The following DYM variants were observed in gnomAD, a reference collection of about 807,000 sequenced individuals.
DYM encodes dymeclin.
Under a neutral mutation model 93.1 loss-of-function variants are expected in DYM, and 78 were observed. The ratio of observed to expected loss-of-function variants is 0.84; its 90% CI spans 0.70 to 1.01. The LOEUF is 1.01. Among genes scored for constraint, DYM ranks in the 50% least tolerant of loss-of-function variants. DYM has a pLI of 0.00. For synonymous variants in DYM, 321 were observed against 319.7 expected, an observed-to-expected ratio of 1.00 and a Z score of -0.04; for missense variants, 789 against 845.0, an observed-to-expected ratio of 0.93 and a Z score of 0.82.
At chr18:49,456,719 CCCA>C (rs1380192822) in intron 1 of DYM, among the ~76,000 whole-genome samples, 1 of 151,948 alleles carries the variant, frequency 6.6e-6, no homozygotes, top group Non-Finnish European at 1.5e-5. Context: ...TGTTCCCAGC[CCCA>C]CTAGTTCATT....
At chr18:49,436,668 G>A (rs766514621) in intron 1 of DYM, among the ~76,000 whole-genome samples, 9 of 152,154 alleles carry the variant, frequency 5.9e-5, no homozygotes, top group Non-Finnish European at 1.3e-4. Flanking sequence ...TAATATTAGT[G>A]TACTGAATAA....
intron 16 of DYM, among the ~76,000 whole-genome samples, chr18:49,104,748 T>C (rs1011275715): frequency 2.0e-5 from 3 of 152,226 alleles, no homozygotes; most frequent in Non-Finnish European, 4.4e-5. Context: ...CCTTGCATCC[T>C]AGGGATGAAG....
At chr18:49,135,803 A>G (rs538782860) in intron 15 of DYM, among the ~76,000 whole-genome samples, 6 of 152,354 alleles carry the variant, frequency 3.9e-5, no homozygotes, top group Admixed American at 2.6e-4. Flanking sequence ...TGCTATTGTT[A>G]TACTAAACTC....
rs1203719322 is a variant in DYM at position 49,257,067 on chromosome 18, G to A, written c.1403C>T (p.Ala468Val). 9 of 1,613,948 alleles carry A rather than the reference G, an allele frequency of 5.6e-6. No homozygotes were observed. The South Asian group carries it at 8.8e-5, about 16-fold the overall frequency. Reference protein sequence around the residue: ...YLHTNCLAALANMSAQFRSLH... With the variant: ...YLHTNCLAALVNMSAQFRSLH... ...AGAACGAAACTGTGCCGACATATTT[G>A]CTAAAGCTGCCAAACAATTTGTGTG... Residue 468 changes from alanine to valine, a missense_variant, in exon 13 of 18, where the codon GCA (alanine) becomes GTA (valine). This residue lies in a region of DYM where 225 missense variants were observed against 303.0 expected (regional missense o/e 0.74). Coordinates refer to ENST00000675505, the MANE Select transcript of DYM (RefSeq NM_001353214.3).
intron 17 of DYM, among the ~76,000 whole-genome samples, chr18:49,067,655 T>C (rs1467277746): frequency 2.0e-5 from 3 of 152,118 alleles, no homozygotes; most frequent in Non-Finnish European, 4.4e-5. Context: ...CCTGAAACAA[T>C]TGTCCATGCC....
rs550844717 is a variant in DYM at position 49,123,886 on chromosome 18, C to A, written c.1729-4960G>T. 6.6e-5 allele frequency among the ~76,000 whole-genome samples: 10 copies of A among 152,122 alleles called. No individual in the cohort carries two copies. In the Middle Eastern group the frequency reaches 0.01, roughly 155 times the overall value. On this transcript the variant is annotated intron_variant, in intron 15 of 17. Transcript: ENST00000675505. ...TCTCTCACGGTCATTTAAGGGCAACCCAATGAAATGGTATGACTACTTTAG... is the reference window on the plus strand; with the variant it reads ...TCTCTCACGGTCATTTAAGGGCAACACAATGAAATGGTATGACTACTTTAG...
At chr18:49,139,521 T>C (rs2084224099) in intron 15 of DYM, among the ~76,000 whole-genome samples, 1 of 152,112 alleles carries the variant, frequency 6.6e-6, no homozygotes, top group African/African-American at 2.4e-5. Flanking sequence ...ACAACTAAAA[T>C]GTAATGGATA....
chr18:49,315,420 C>A (rs753958901), intron 8 of DYM, among the ~76,000 whole-genome samples: 15 of 152,136 alleles, frequency 9.9e-5, no homozygotes, highest in Non-Finnish European at 2.1e-4. Context: ...TAATATATTT[C>A]TTAAATATTG....
intron 2 of DYM, among the ~76,000 whole-genome samples, chr18:49,392,572 T>C (rs898062274): frequency 2.0e-5 from 3 of 146,386 alleles, no homozygotes; most frequent in South Asian, 2.1e-4. Flanking sequence ...AAAGAGGATA[T>C]AGAAATGGCC....
intron 2 of DYM, among the ~76,000 whole-genome samples, chr18:49,417,399 C>G (rs538992350): frequency 4.6e-5 from 7 of 152,258 alleles, no homozygotes; most frequent in African/African-American, 1.7e-4. Context: ...ATCCTCCTGC[C>G]TCAGCCTCTC....
At chr18:49,167,223 T>C (rs1422356645) in intron 14 of DYM, among the ~76,000 whole-genome samples, 2 of 151,878 alleles carry the variant, frequency 1.3e-5, no homozygotes, top group Non-Finnish European at 2.9e-5. Context: ...GTATGAACAC[T>C]CTGTTTTGCT....
At chr18:49,260,624 A>G (rs1399811829) in intron 11 of DYM, among the ~76,000 whole-genome samples, 1 of 152,236 alleles carries the variant, frequency 6.6e-6, no homozygotes, top group Non-Finnish European at 1.5e-5. Context: ...GCAGTATATG[A>G]GAAAGTTCCA....
At chr18:49,083,729 T>A (rs1367077637) in intron 17 of DYM, among the ~76,000 whole-genome samples, 2 of 152,186 alleles carry the variant, frequency 1.3e-5, no homozygotes, top group Non-Finnish European at 2.9e-5. Flanking sequence ...GTTTTGATAA[T>A]TTGTATATTT....
chr18:49,289,778 T>TATATATAC (rs1568181735), intron 8 of DYM, among the ~76,000 whole-genome samples: 67 of 55,908 alleles, frequency 1.2e-3, no homozygotes, highest in African/African-American at 4.8e-3. Context: ...TATATACACA[T>TATATATAC]ATATATATAT....
intron 15 of DYM, among the ~76,000 whole-genome samples, chr18:49,156,538 C>A (rs1018557179): frequency 6.6e-6 from 1 of 151,920 alleles, no homozygotes; most frequent in Non-Finnish European, 1.5e-5. Flanking sequence ...TCGAGACCAG[C>A]CTGGCCAACA....
chr18:49,125,372 C>T (rs1328692185), intron 15 of DYM, among the ~76,000 whole-genome samples: 1 of 152,178 alleles, frequency 6.6e-6, no homozygotes. Flanking sequence ...TATTTAACAA[C>T]TAGTTGGCAC....
In DYM at chr18:49,209,700, G is replaced by A; in HGVS notation, c.1476C>T (p.His492=). The change falls in exon 14 of 18, where the codon CAC becomes CAT. Residue 492 remains histidine (H), a synonymous_variant. Coordinates refer to ENST00000675505, the MANE Select transcript of DYM (RefSeq NM_001353214.3). ...CCAACACATAAACATATCTCCGCAA[G>A]TGGCGGCAGGTATAACTGAAAGACA... ...AQRIISYTCR[H]LRRYVYVLDK... 7.8e-7 allele frequency: 1 copy of A among 1,280,866 alleles called. No individual in the cohort carries two copies. The highest frequency in any genetic ancestry group is 1.0e-6 in the Non-Finnish European group (1 of 983,772). 79.3% of individuals were successfully genotyped at this position (1,280,866 alleles called of 1,614,324 possible).
rs2094014173 is a variant in DYM at position 49,241,661 on chromosome 18, A to G, written c.1460+15349T>C. On this transcript the variant is annotated intron_variant, in intron 13 of 17. Coordinates refer to ENST00000675505, the MANE Select transcript of DYM (RefSeq NM_001353214.3). Reference sequence around the variant, plus strand: ...TATTCATAAAAATGTACCTCTTTACATAATGCAATTCTGATAGATGAAATG... The same window carrying G: ...TATTCATAAAAATGTACCTCTTTACGTAATGCAATTCTGATAGATGAAATG... Among the ~76,000 whole-genome samples the G allele has an allele frequency of 2.0e-5, 3 of 152,232 alleles. No homozygotes were observed. The South Asian group carries it at 6.2e-4, about 31-fold the overall frequency.
At chr18:49,220,622 G>A (rs796485526) in intron 13 of DYM, among the ~76,000 whole-genome samples, 12 of 151,986 alleles carry the variant, frequency 7.9e-5, no homozygotes, top group East Asian at 1.9e-4. Flanking sequence ...CTATCTGATC[G>A]TTGACAAACC....
Sources: gnomAD v4.1 joint callset for allele counts (sites outside exome capture counted in the v4.1 genomes callset) on GRCh38, gnomAD v4.1.1 for gene constraint, gnomAD v4.1.1 regional missense constraint, MANE v1.5 for transcripts, NCBI Gene and HGNC (gene_info 2026-07-23, HGNC 2026-07-21) for gene names.